SCMH1: variants seen among roughly 807,000 people sequenced by gnomAD.
SCMH1 encodes the protein Scm polycomb group protein homolog 1, also known as polycomb protein SCMH1.
SCMH1 carries 37 observed loss-of-function variants against 70.8 expected under a neutral mutation model. That is an observed-to-expected ratio of 0.52 (90% CI 0.40 to 0.69). SCMH1 has a LOEUF of 0.69. SCMH1 is among the 30% of genes least tolerant of loss of function. SCMH1 has a pLI of 0.00. For missense variants in SCMH1, 607 were observed against 827.3 expected (o/e 0.73, Z 3.27); for synonymous variants, 292 against 307.4 (o/e 0.95, Z 0.52).
intron 1 of SCMH1, among the ~76,000 whole-genome samples, chr1:41,190,448 G>A (rs570437203): frequency 4.2e-4 from 64 of 152,312 alleles, no homozygotes; most frequent in Middle Eastern, 3.4e-3. Flanking sequence ...ATCCAAAAGT[G>A]GGATAAGCTC....
intron 5 of SCMH1, 114 bp downstream of exon 5, chr1:41,151,500 T>C (rs1645073254): frequency 1.4e-6 from 1 of 698,960 alleles, no homozygotes; most frequent in Admixed American, 2.6e-5. Context: ...TAGAAGTTTA[T>C]TCTGGGGCCC....
chr1:41,108,063 T>C (rs972846345), intron 8 of SCMH1, among the ~76,000 whole-genome samples: 1 of 152,162 alleles, frequency 6.6e-6, no homozygotes, highest in Non-Finnish European at 1.5e-5. Flanking sequence ...TTTTGCTTTG[T>C]ACAAAGAAAC....
intron 8 of SCMH1, among the ~76,000 whole-genome samples, chr1:41,107,073 A>AT (rs1668139256): frequency 6.6e-6 from 1 of 150,516 alleles, no homozygotes; most frequent in Non-Finnish European, 1.5e-5. Flanking sequence ...GCTAGAGAGA[A>AT]TTTTTTCTCT....
At chr1:41,124,040 A>G (rs1268933239) in intron 6 of SCMH1, among the ~76,000 whole-genome samples, 1 of 152,108 alleles carries the variant, frequency 6.6e-6, no homozygotes, top group Non-Finnish European at 1.5e-5. Context: ...ACATATGTAC[A>G]ATTATATATA....
At chr1:41,130,009 T>TC (rs1200101842) in intron 6 of SCMH1, among the ~76,000 whole-genome samples, 1 of 152,192 alleles carries the variant, frequency 6.6e-6, no homozygotes, top group African/African-American at 2.4e-5. Context: ...TCTGTTTTTT[T>TC]CCTAATACCC....
chr1:41,129,424 G>C (rs1447543751), intron 6 of SCMH1, among the ~76,000 whole-genome samples: 1 of 152,036 alleles, frequency 6.6e-6, no homozygotes, highest in East Asian at 1.9e-4. Flanking sequence ...GACTTCTCTA[G>C]ATGTCTCATC....
intron 1 of SCMH1, among the ~76,000 whole-genome samples, chr1:41,193,954 C>T (rs1053293115): frequency 4.6e-5 from 7 of 152,272 alleles, no homozygotes; most frequent in Admixed American, 1.3e-4. Flanking sequence ...AATGTTCATA[C>T]AGCTTGCATA....
At chr1:41,059,657 C>T (rs1651852715) in intron 10 of SCMH1, among the ~76,000 whole-genome samples, 1 of 152,216 alleles carries the variant, frequency 6.6e-6, no homozygotes, top group African/African-American at 2.4e-5. Flanking sequence ...AGCTGGTTTA[C>T]ACTTAAGCCA....
chr1:41,177,330 C>G (rs185024264), intron 2 of SCMH1, among the ~76,000 whole-genome samples: 4 of 152,130 alleles, frequency 2.6e-5, no homozygotes, highest in Admixed American at 6.5e-5. Flanking sequence ...AAAATCAGAG[C>G]GCCTCTCCTC....
intron 8 of SCMH1, among the ~76,000 whole-genome samples, chr1:41,077,892 C>A (rs577013225): frequency 1.3e-5 from 2 of 152,008 alleles, no homozygotes; most frequent in Admixed American, 1.3e-4. Context: ...AGAGTCAAAA[C>A]AGTGTGATCA....
intron 8 of SCMH1, among the ~76,000 whole-genome samples, chr1:41,107,086 C>T (rs1401274097): frequency 1.3e-5 from 2 of 151,090 alleles, no homozygotes; most frequent in African/African-American, 4.9e-5. Flanking sequence ...TTTTCTCTAC[C>T]TTCCCATTCT....
intron 1 of SCMH1, among the ~76,000 whole-genome samples, chr1:41,239,282 C>A (rs1363112824): frequency 1.2e-4 from 19 of 152,220 alleles, no homozygotes; most frequent in Admixed American, 1.2e-3. Flanking sequence ...CCTTTTCTCA[C>A]ATTGATGCCT....
intron 11 of SCMH1, among the ~76,000 whole-genome samples, chr1:41,047,257 T>C (rs1053447671): frequency 3.3e-5 from 5 of 151,936 alleles, no homozygotes; most frequent in African/African-American, 1.2e-4. Context: ...AGAGAGGGTA[T>C]AGGAGAGCAG....
intron 1 of SCMH1, among the ~76,000 whole-genome samples, chr1:41,225,069 C>CA (rs1418725792): frequency 3.3e-5 from 5 of 152,054 alleles, no homozygotes; most frequent in Admixed American, 3.3e-4. Context: ...TAAAATAAAA[C>CA]AAAACAAGGG....
chr1:41,103,898 A>G (rs1259902727), intron 8 of SCMH1, among the ~76,000 whole-genome samples: 2 of 152,076 alleles, frequency 1.3e-5, no homozygotes, highest in Non-Finnish European at 2.9e-5. Context: ...CTGCTTCATA[A>G]TCTACTCCAC....
At chr1:41,172,898 A>G (rs1646879659) in intron 2 of SCMH1, among the ~76,000 whole-genome samples, 1 of 152,192 alleles carries the variant, frequency 6.6e-6, no homozygotes, top group East Asian at 1.9e-4. Context: ...CAGAAAAATA[A>G]AACTAGATCC....
At chr1:41,209,021 G>C (rs182914398) in intron 1 of SCMH1, among the ~76,000 whole-genome samples, 51 of 152,222 alleles carry the variant, frequency 3.4e-4, no homozygotes, top group African/African-American at 1.1e-3. Flanking sequence ...GAATCAAATA[G>C]ATGCAATAAA....
Position 41,100,703 on chromosome 1 carries a change from C to A in SCMH1, c.745+12580G>T, listed in dbSNP as rs181204492. ...GCTTCAGCCTCCCAAGTAGCTGGGA[C>A]TACAGGCACCTGCCACCACGCCCAG... On this transcript the variant is annotated intron_variant, in intron 8 of 14. Transcript: ENST00000337495. Among the ~76,000 whole-genome samples, 948 of 151,940 alleles carry A rather than the reference C, an allele frequency of 6.2e-3. 15 individuals are homozygous for A. Among genetic ancestry groups the A allele is most frequent in the African/African-American group, 0.022 (907 of 41,442 alleles).
At chr1:41,070,418 A>C (rs1656071902) in intron 10 of SCMH1, among the ~76,000 whole-genome samples, 177 bp downstream of exon 10, 1 of 152,236 alleles carries the variant, frequency 6.6e-6, no homozygotes, top group South Asian at 2.1e-4. Context: ...GAGTTCACAG[A>C]AAATTTACCT....
Sources: allele counts gnomAD v4.1 joint callset (sites outside exome capture counted in the v4.1 genomes callset), GRCh38; gene constraint gnomAD v4.1.1; transcripts MANE v1.5; gene names NCBI Gene and HGNC (gene_info 2026-07-23, HGNC 2026-07-21).